Variants in EMCN observed in about 807,000 individuals in gnomAD.
The protein encoded by EMCN is MUC-14.
A neutral mutation model predicts 38.4 loss-of-function variants in EMCN; 37 were observed. That is an observed-to-expected ratio of 0.96 (90% CI 0.74 to 1.27). The LOEUF (loss-of-function observed/expected upper bound fraction) is 1.27, where lower values mean the gene tolerates loss of function less well. Ranked by LOEUF, EMCN falls within the 50% of genes most tolerant of loss-of-function variation. EMCN has a pLI of 0.00. For missense variants in EMCN, 318 were observed against 302.8 expected (o/e 1.05, Z -0.37); for synonymous variants, 95 against 100.8 (o/e 0.94, Z 0.35).
intron 5 of EMCN, among the ~76,000 whole-genome samples, chr4:100,446,949 G>A (rs1301818841): frequency 6.6e-6 from 1 of 152,158 alleles, no homozygotes; most frequent in African/African-American, 2.4e-5. Flanking sequence ...GTACCAGGTA[G>A]GATGTAGAAA....
chr4:100,505,196 C>T (rs912403056), intron 1 of EMCN, among the ~76,000 whole-genome samples: 1 of 152,084 alleles, frequency 6.6e-6, no homozygotes, highest in Middle Eastern at 3.2e-3. Flanking sequence ...GCCTGGCATT[C>T]GGGGCCACTA....
intron 1 of EMCN, among the ~76,000 whole-genome samples, chr4:100,489,340 G>A (rs2110290387): frequency 6.6e-6 from 1 of 152,248 alleles, no homozygotes; most frequent in African/African-American, 2.4e-5. Flanking sequence ...TAGGGTATAT[G>A]ATCTTATGGT....
chr4:100,480,744 C>T (rs1728785411), intron 1 of EMCN, among the ~76,000 whole-genome samples: 1 of 151,632 alleles, frequency 6.6e-6, no homozygotes, highest in South Asian at 2.1e-4. Flanking sequence ...GGCAAAGGCA[C>T]AGAAATGAAG....
intron 11 of EMCN, among the ~76,000 whole-genome samples, chr4:100,400,709 A>G (rs1726234014): frequency 6.6e-6 from 1 of 152,190 alleles, no homozygotes; most frequent in Non-Finnish European, 1.5e-5. Context: ...AATTTGTGCT[A>G]ATAGGATAAT....
intron 7 of EMCN, 145 bp downstream of exon 7, chr4:100,422,876 C>A: frequency 1.8e-6 from 1 of 551,886 alleles, no homozygotes; most frequent in Middle Eastern, 2.8e-4. Context: ...TCAGAGCAGG[C>A]AGCAGTTAGA....
rs545592531 is a variant in EMCN, at chr4:100,505,341, G to T, written c.64+12510C>A. On this transcript the variant is annotated intron_variant, in intron 1 of 11. Coordinates refer to ENST00000296420, the MANE Select transcript of EMCN (RefSeq NM_016242.4). ...AAAAACTCACTGACCCTGTGGGGCT[G>T]GACCCTACAAAGCCTGCACTGCTTG... Among the ~76,000 whole-genome samples, 3 of 152,226 alleles carry T rather than the reference G, an allele frequency of 2.0e-5. No individual in the cohort carries two copies. The East Asian group carries it at 5.8e-4, about 29-fold the overall frequency.
intron 5 of EMCN, among the ~76,000 whole-genome samples, chr4:100,441,807 T>C (rs145471047): frequency 6.6e-6 from 1 of 152,202 alleles, no homozygotes; most frequent in South Asian, 2.1e-4. Flanking sequence ...GCTTTTGATG[T>C]CACAATTTTC....
intron 5 of EMCN, among the ~76,000 whole-genome samples, chr4:100,425,666 A>G (rs1169648549): frequency 1.3e-5 from 2 of 151,392 alleles, no homozygotes; most frequent in African/African-American, 2.4e-5. Flanking sequence ...TAATATGTAT[A>G]TATTATATAT....
At chr4:100,441,743 T>G (rs185967702) in intron 5 of EMCN, among the ~76,000 whole-genome samples, 2 of 152,324 alleles carry the variant, frequency 1.3e-5, no homozygotes, top group Admixed American at 1.3e-4. Flanking sequence ...AGATAATAAC[T>G]TAAATTCTGT....
chr4:100,484,715 T>C (rs1728895908), intron 1 of EMCN, among the ~76,000 whole-genome samples: 1 of 152,148 alleles, frequency 6.6e-6, no homozygotes, highest in Non-Finnish European at 1.5e-5. Flanking sequence ...AACATAAACA[T>C]TGAAGACAGT....
At chr4:100,501,819 A>G (rs969601373) in intron 1 of EMCN, among the ~76,000 whole-genome samples, 4 of 150,640 alleles carry the variant, frequency 2.7e-5, no homozygotes, top group East Asian at 3.9e-4. Context: ...TAAACTTTAT[A>G]TACAGAGACC....
intron 7 of EMCN, among the ~76,000 whole-genome samples, chr4:100,422,598 A>T (rs1042810157): frequency 6.6e-6 from 1 of 151,748 alleles, no homozygotes; most frequent in Non-Finnish European, 1.5e-5. Context: ...TATTTTAATT[A>T]TTTACTTGAC....
At chr4:100,405,212 T>A (rs1726361716) in intron 11 of EMCN, among the ~76,000 whole-genome samples, 1 of 152,094 alleles carries the variant, frequency 6.6e-6, no homozygotes, top group South Asian at 2.1e-4. Flanking sequence ...TTATTTCTTC[T>A]CTTGCCTGAC....
At chr4:100,455,959 T>G (rs935341791) in intron 4 of EMCN, among the ~76,000 whole-genome samples, 7 of 152,100 alleles carry the variant, frequency 4.6e-5, no homozygotes, top group Non-Finnish European at 7.4e-5. Flanking sequence ...TATGCCTGTC[T>G]AATTTTTGTA....
intron 11 of EMCN, among the ~76,000 whole-genome samples, chr4:100,403,936 A>G (rs557887250): frequency 6.6e-6 from 1 of 151,698 alleles, no homozygotes; most frequent in Non-Finnish European, 1.5e-5. Flanking sequence ...TTACTCTTTC[A>G]TTTGTTTAAG....
At chr4:100,473,201 G>C (rs932223307) in intron 3 of EMCN, among the ~76,000 whole-genome samples, 6 of 149,516 alleles carry the variant, frequency 4.0e-5, no homozygotes, top group African/African-American at 7.3e-5. Context: ...TTTTAGTAGA[G>C]ACATACACAT....
intron 2 of EMCN, among the ~76,000 whole-genome samples, chr4:100,475,659 C>CTGTTTTTTTTTTTTTTTTTT (rs1560631485): frequency 1.7e-5 from 1 of 60,314 alleles, no homozygotes; most frequent in African/African-American, 8.4e-5. Flanking sequence ...AATTCTAGTC[C>CTGTTTTTTTTTTTTTTTTTT]TTTTTTTTTT....
intron 1 of EMCN, among the ~76,000 whole-genome samples, chr4:100,501,491 A>G (rs960867130): frequency 6.6e-6 from 1 of 152,138 alleles, no homozygotes; most frequent in South Asian, 2.1e-4. Flanking sequence ...ATGGGACTCT[A>G]TAAATGGTAG....
chr4:100,410,259 G>A (rs1403611399), intron 11 of EMCN, 23 bp downstream of exon 11: 37 of 1,443,376 alleles, frequency 2.6e-5, no homozygotes, highest in Middle Eastern at 1.7e-4. Flanking sequence ...GATTGTCTCC[G>A]TGAATGAAAT....
Sources: gnomAD v4.1 joint callset for allele counts (sites outside exome capture counted in the v4.1 genomes callset) on GRCh38, gnomAD v4.1.1 for gene constraint, MANE v1.5 for transcripts, NCBI Gene and HGNC (gene_info 2026-07-23, HGNC 2026-07-21) for gene names.